The following TRPM3 variants were observed in gnomAD, a reference collection of about 807,000 sequenced individuals.
TRPM3 encodes the protein transient receptor potential cation channel subfamily M member 3.
In TRPM3, 77 loss-of-function variants were observed where a neutral mutation model predicts 181.2. That is an observed-to-expected ratio of 0.42 (90% CI 0.35 to 0.51). The LOEUF is 0.51. Among genes scored for constraint, TRPM3 ranks in the 20% least tolerant of loss-of-function variants. The pLI is 0.01. For synonymous variants in TRPM3, 745 were observed against 796.4 expected, an observed-to-expected ratio of 0.94 and a Z score of 1.09; for missense variants, 1,759 against 2,196.7, an observed-to-expected ratio of 0.80 and a Z score of 3.98.
chr9:71,384,738 A>C (rs12346486), intron 1 of TRPM3, among the ~76,000 whole-genome samples: 69,221 of 152,034 alleles, frequency 0.46, 15,949 homozygotes, highest in South Asian at 0.54. Context: ...GTAACAATTT[A>C]TTTCAGTCAT....
At chr9:71,087,799 A>G (rs1395497923) in intron 1 of TRPM3, among the ~76,000 whole-genome samples, 1 of 152,108 alleles carries the variant, frequency 6.6e-6, no homozygotes, top group Non-Finnish European at 1.5e-5. Flanking sequence ...AAACACTTCT[A>G]ACTAATAACG....
chr9:70,740,830 C>T (rs2073911115), intron 8 of TRPM3, among the ~76,000 whole-genome samples: 1 of 152,190 alleles, frequency 6.6e-6, no homozygotes, highest in African/African-American at 2.4e-5. Flanking sequence ...GAATCAAGGA[C>T]TTAAATCTCA....
chr9:71,120,373 T>G (rs1295333010), intron 1 of TRPM3, among the ~76,000 whole-genome samples: 1 of 152,166 alleles, frequency 6.6e-6, no homozygotes, highest in Non-Finnish European at 1.5e-5. Context: ...CTAATTTGTG[T>G]TTTCCCCCCT....
intron 1 of TRPM3, among the ~76,000 whole-genome samples, chr9:71,374,366 C>T (rs552355992): frequency 1.8e-4 from 27 of 151,738 alleles, no homozygotes; most frequent in Non-Finnish European, 3.2e-4. Context: ...AGAGAGACTC[C>T]GTGTCAAAAA....
rs115365872 is a variant in TRPM3 at position 70,658,923 on chromosome 9, T to C, written c.1346-18263A>G. On this transcript the variant is annotated intron_variant, in intron 9 of 25. Transcript: ENST00000677713. Reference sequence around the variant, plus strand: ...AATCTTTTTGACTTTTGGTTTAAAATGTTGCTGATCATTTGTTTTTTTGTC... The same window carrying C: ...AATCTTTTTGACTTTTGGTTTAAAACGTTGCTGATCATTTGTTTTTTTGTC... Among the ~76,000 whole-genome samples, 1,462 of 152,174 alleles carry C rather than the reference T, an allele frequency of 9.6e-3. 15 individuals are homozygous for C. Among genetic ancestry groups the C allele is most frequent in the African/African-American group, 0.025 (1,058 of 41,536 alleles).
At chr9:70,829,644 T>C (rs1383029744) in intron 5 of TRPM3, among the ~76,000 whole-genome samples, 2 of 152,306 alleles carry the variant, frequency 1.3e-5, no homozygotes, top group Non-Finnish European at 2.9e-5. Context: ...AGCATTAATA[T>C]AAGGTTAATT....
chr9:70,554,564 A>G (rs1032337281), intron 22 of TRPM3, among the ~76,000 whole-genome samples: 13 of 152,170 alleles, frequency 8.5e-5, no homozygotes, highest in Admixed American at 3.3e-4. Flanking sequence ...GCTCTAAAAA[A>G]TACCAATGCC....
At chr9:70,840,671 G>A (rs1443840265) in intron 5 of TRPM3, among the ~76,000 whole-genome samples, 1 of 152,110 alleles carries the variant, frequency 6.6e-6, no homozygotes, top group East Asian at 1.9e-4. Context: ...GAAAAAGTTG[G>A]AATGGGAGGT....
chr9:71,284,277 TC>T (rs2085093005), intron 1 of TRPM3, among the ~76,000 whole-genome samples: 2 of 152,244 alleles, frequency 1.3e-5, no homozygotes, highest in South Asian at 4.1e-4. Context: ...AAAATTAACT[TC>T]CATTTCAACT....
Position 70,690,519 on chromosome 9 carries a change from G to C in TRPM3, c.1273-8941C>G, listed in dbSNP as rs142814634. Among the ~76,000 whole-genome samples, 30 of 151,436 alleles carry C rather than the reference G, an allele frequency of 2.0e-4. No homozygotes were observed. In the East Asian group the frequency reaches 5.3e-3, roughly 27 times the overall value. On this transcript the variant is annotated intron_variant, in intron 8 of 25. Coordinates refer to ENST00000677713, the MANE Select transcript of TRPM3 (RefSeq NM_001366145.2). Reference sequence around the variant, plus strand: ...ATTAGACTCAGTAAGCAATTCAGTCGCTACAATGAAATAACTTTTTATTTA... The same window carrying C: ...ATTAGACTCAGTAAGCAATTCAGTCCCTACAATGAAATAACTTTTTATTTA...
intron 22 of TRPM3, among the ~76,000 whole-genome samples, chr9:70,575,597 TATATTCATTTGGGCTTATC>T (rs1397287102): frequency 6.6e-6 from 1 of 152,234 alleles, no homozygotes; most frequent in Non-Finnish European, 1.5e-5. Context: ...AATGTCTGAT[TATATTCATTTGGGCTTATC>T]ATATTCATTT....
intron 1 of TRPM3, among the ~76,000 whole-genome samples, chr9:71,020,046 T>C (rs1293442892): frequency 6.6e-6 from 1 of 152,110 alleles, no homozygotes; most frequent in African/African-American, 2.4e-5. Context: ...AGTTGGTCTT[T>C]GATCTAAATA....
intron 1 of TRPM3, among the ~76,000 whole-genome samples, chr9:71,269,575 C>T (rs2860097): frequency 1.3e-5 from 2 of 151,932 alleles, no homozygotes; most frequent in South Asian, 4.1e-4. Flanking sequence ...AGAGTGGGCT[C>T]TTCTTTTATG....
intron 1 of TRPM3, among the ~76,000 whole-genome samples, chr9:71,108,763 T>C (rs953639783): frequency 1.3e-5 from 2 of 152,126 alleles, no homozygotes; most frequent in Admixed American, 6.6e-5. Flanking sequence ...ATTTCAGTCA[T>C]TGGTATTTTA....
At chr9:70,585,142 T>A (rs1167117304) in intron 22 of TRPM3, among the ~76,000 whole-genome samples, 1 of 152,232 alleles carries the variant, frequency 6.6e-6, no homozygotes. Context: ...CTTTGTCCTG[T>A]TGCTGATTTA....
At chr9:71,252,351 C>T (rs1020114227) in intron 1 of TRPM3, among the ~76,000 whole-genome samples, 3 of 152,052 alleles carry the variant, frequency 2.0e-5, no homozygotes, top group African/African-American at 7.2e-5. Context: ...TGTTATTGGA[C>T]ATTCTGGGTT....
intron 1 of TRPM3, among the ~76,000 whole-genome samples, chr9:71,153,402 T>C (rs1233119256): frequency 6.6e-6 from 1 of 151,774 alleles, no homozygotes; most frequent in African/African-American, 2.4e-5. Context: ...GCAGTTCTTC[T>C]GCCTCAGCCT....
At chr9:70,915,852 C>T (rs996190081) in intron 1 of TRPM3, among the ~76,000 whole-genome samples, 4 of 152,010 alleles carry the variant, frequency 2.6e-5, no homozygotes, top group African/African-American at 9.7e-5. Flanking sequence ...CTTCCCAAAC[C>T]TAAAGAATGA....
intron 1 of TRPM3, among the ~76,000 whole-genome samples, chr9:70,969,172 G>A (rs995990521): frequency 6.6e-6 from 1 of 151,630 alleles, no homozygotes; most frequent in Admixed American, 6.6e-5. Context: ...ACAATTACAA[G>A]AACAGAAAAC....
Sources: allele counts gnomAD v4.1 joint callset (sites outside exome capture counted in the v4.1 genomes callset), GRCh38; gene constraint gnomAD v4.1.1; transcripts MANE v1.5; gene names NCBI Gene and HGNC (gene_info 2026-07-23, HGNC 2026-07-21).